Variants in ASTN2 observed in about 807,000 individuals in gnomAD.
ASTN2 encodes the protein astrotactin 2.
A neutral mutation model predicts 139.8 loss-of-function variants in ASTN2; 54 were observed. The observed-to-expected ratio is 0.39, with a 90% CI of 0.31 to 0.48. ASTN2 has a LOEUF of 0.48. ASTN2 is among the 20% of genes least tolerant of loss of function. The probability of loss-of-function intolerance (pLI) is 0.95; values close to 1 mark genes in which losing one functional copy is unlikely to be tolerated. For missense variants in ASTN2, 1,565 were observed against 1,725.1 expected (o/e 0.91, Z 1.64); for synonymous variants, 756 against 719.5 (o/e 1.05, Z -0.81).
intron 16 of ASTN2, among the ~76,000 whole-genome samples, chr9:116,655,155 T>G (rs1462666676): frequency 6.6e-6 from 1 of 152,204 alleles, no homozygotes; most frequent in Non-Finnish European, 1.5e-5. Context: ...ACACTTGTAT[T>G]AACAGTGATC....
intron 5 of ASTN2, among the ~76,000 whole-genome samples, chr9:117,076,707 A>T (rs1828290002): frequency 6.6e-6 from 1 of 151,996 alleles, no homozygotes; most frequent in African/African-American, 2.4e-5. Flanking sequence ...GGGAGAGAGC[A>T]TCTCCTTTAA....
intron 3 of ASTN2, among the ~76,000 whole-genome samples, chr9:117,212,760 T>A (rs562141624): frequency 6.6e-6 from 1 of 152,168 alleles, no homozygotes; most frequent in East Asian, 1.9e-4. Context: ...TCAGTTAGAA[T>A]GGCTATTATA....
At chr9:116,867,577 A>C (rs1833051043) in intron 10 of ASTN2, among the ~76,000 whole-genome samples, 1 of 151,264 alleles carries the variant, frequency 6.6e-6, no homozygotes, top group Non-Finnish European at 1.5e-5. Flanking sequence ...AAAAAAGGAA[A>C]GAAAACACAG....
chr9:117,333,130 T>C (rs1160681362), intron 1 of ASTN2, among the ~76,000 whole-genome samples: 2 of 152,194 alleles, frequency 1.3e-5, no homozygotes, highest in African/African-American at 4.8e-5. Context: ...GATTATATTG[T>C]ATGTGAATCA....
chr9:116,622,175 A>G (rs1309983223), intron 17 of ASTN2, among the ~76,000 whole-genome samples: 1 of 152,192 alleles, frequency 6.6e-6, no homozygotes, highest in Admixed American at 6.5e-5. Context: ...ATGTTTGTAT[A>G]AAGTCTGGGG....
intron 5 of ASTN2, among the ~76,000 whole-genome samples, chr9:117,092,933 T>G (rs1828743122): frequency 6.6e-6 from 1 of 152,000 alleles, no homozygotes; most frequent in Non-Finnish European, 1.5e-5. Context: ...AACAGAACCA[T>G]TCTAGTGTCA....
Position 117,277,543 on chromosome 9 carries a change from A to G in ASTN2, c.630+13783T>C, listed in dbSNP as rs985022517. ...AATTCCTCAAAAAATTAAAAATGGA[A>G]CTACCATATGATCCAGAAATTTCAC... is the stretch of plus-strand genomic sequence containing the variant. On this transcript the variant is annotated intron_variant, in intron 2 of 22. Transcript: ENST00000313400. Among the ~76,000 whole-genome samples, 3 of 152,218 alleles carry G rather than the reference A, an allele frequency of 2.0e-5. No homozygotes were observed. In the East Asian group the frequency reaches 5.8e-4, roughly 29 times the overall value.
rs531480337 is a variant in ASTN2, at chr9:117,221,786, C to T, written c.631-7044G>A. On this transcript the variant is annotated intron_variant, in intron 2 of 22. Transcript: ENST00000313400. ...TGATCCGAGACGTCTCCTTTCAGGC[C>T]CCAGTCTATGTTTAAGCTGGAAGAA... 5.3e-5 allele frequency among the ~76,000 whole-genome samples: 8 copies of T among 151,966 alleles called. No homozygotes were observed. In the South Asian group the frequency reaches 1.0e-3, roughly 20 times the overall value.
At chr9:116,492,169 C>T (rs193221544) in intron 19 of ASTN2, among the ~76,000 whole-genome samples, 114 of 151,908 alleles carry the variant, frequency 7.5e-4, no homozygotes, top group Admixed American at 2.6e-3. Flanking sequence ...GCAACTTCCA[C>T]CTCCCGGGTT....
chr9:117,155,567 AAC>A (rs1428523662), intron 3 of ASTN2, among the ~76,000 whole-genome samples: 2 of 152,028 alleles, frequency 1.3e-5, no homozygotes, highest in African/African-American at 4.8e-5. Context: ...CTCTCTGTGC[AAC>A]ACAGGAGACT....
intron 7 of ASTN2, among the ~76,000 whole-genome samples, chr9:116,993,853 G>GAT (rs61556942): frequency 0.13 from 17,257 of 131,894 alleles, 1,919 homozygotes; most frequent in African/African-American, 0.3. Flanking sequence ...GTATGTACAT[G>GAT]ATATATATAT....
chr9:116,476,866 G>A (rs1166277376), intron 20 of ASTN2, among the ~76,000 whole-genome samples: 2 of 152,128 alleles, frequency 1.3e-5, no homozygotes, highest in Non-Finnish European at 2.9e-5. Flanking sequence ...CATGGTCAGG[G>A]TTGTCACCAC....
intron 19 of ASTN2, among the ~76,000 whole-genome samples, chr9:116,518,595 A>C (rs954986519): frequency 3.3e-5 from 5 of 152,294 alleles, no homozygotes; most frequent in African/African-American, 1.2e-4. Context: ...TAACAATAAC[A>C]CAATTAAAAA....
At chr9:117,405,833 A>G (rs913205414) in intron 1 of ASTN2, among the ~76,000 whole-genome samples, 1 of 152,182 alleles carries the variant, frequency 6.6e-6, no homozygotes, top group Non-Finnish European at 1.5e-5. Context: ...GCTGCTCAAG[A>G]CAGAGTCTTC....
chr9:116,811,023 T>C (rs1588312393), intron 12 of ASTN2, among the ~76,000 whole-genome samples: 1 of 152,224 alleles, frequency 6.6e-6, no homozygotes, highest in South Asian at 2.1e-4. Flanking sequence ...TTATCTTTTA[T>C]GTTTCTATAG....
At chr9:117,105,152 C>T (rs1260478143) in intron 4 of ASTN2, among the ~76,000 whole-genome samples, 1 of 152,118 alleles carries the variant, frequency 6.6e-6, no homozygotes, top group Non-Finnish European at 1.5e-5. Context: ...AGTCTCATTT[C>T]CCTGCCCCCA....
At chr9:117,287,890 A>G (rs1487303252) in intron 2 of ASTN2, among the ~76,000 whole-genome samples, 1 of 152,120 alleles carries the variant, frequency 6.6e-6, no homozygotes, top group East Asian at 1.9e-4. Context: ...CACTCTTTTC[A>G]ATAATTTTTC....
At chr9:116,729,683 T>C (rs1828727130) in intron 14 of ASTN2, among the ~76,000 whole-genome samples, 1 of 152,230 alleles carries the variant, frequency 6.6e-6, no homozygotes, top group Non-Finnish European at 1.5e-5. Context: ...CTGACCCCTA[T>C]GTAGACTATC....
intron 19 of ASTN2, among the ~76,000 whole-genome samples, chr9:116,577,210 G>T (rs1436401249): frequency 6.6e-6 from 1 of 152,176 alleles, no homozygotes; most frequent in Non-Finnish European, 1.5e-5. Flanking sequence ...TAACTCAGAG[G>T]CCAGTAAAAT....
Sources: gnomAD v4.1 joint callset for allele counts (sites outside exome capture counted in the v4.1 genomes callset) on GRCh38, gnomAD v4.1.1 for gene constraint, MANE v1.5 for transcripts, NCBI Gene and HGNC (gene_info 2026-07-23, HGNC 2026-07-21) for gene names.